PAQR7: variants seen among roughly 807,000 people sequenced by gnomAD.
PAQR7 encodes the protein membrane progestin receptor alpha.
PAQR7 carries 14 observed loss-of-function variants against 24.6 expected under a neutral mutation model. The observed-to-expected ratio is 0.57, with a 90% CI of 0.38 to 0.89. The LOEUF is 0.89. Ranked by LOEUF, PAQR7 falls within the 40% of genes least tolerant of loss-of-function variation. The pLI is 0.00. For missense variants in PAQR7, 351 were observed against 444.0 expected (o/e 0.79, Z 1.88); for synonymous variants, 189 against 198.8 (o/e 0.95, Z 0.42).
Position 25,863,656 on chromosome 1 carries a change from A to T in PAQR7, c.184T>A (p.Phe62Ile). Residue 62 changes from phenylalanine to isoleucine, a missense_variant, in exon 3 of 3, where the codon TTC (phenylalanine) becomes ATC (isoleucine). Transcript: ENST00000675840. This position sits in a 1 kb window ranked among gnomAD's most constrained non-coding sequence, Gnocchi z 6.1. ...RPLHQTWRFYFRTLFQQHNEA... is the reference protein window; with the variant it reads ...RPLHQTWRFYIRTLFQQHNEA... ...TTGTGCTGCTGGAACAGCGTGCGGA[A>T]ATAGAAGCGCCAGGTCTGATGCAGC... is the stretch of plus-strand genomic sequence containing the variant. 6.2e-7 allele frequency: 1 copy of T among 1,614,140 alleles called. No individual in the cohort carries two copies. The highest frequency in any genetic ancestry group is 8.5e-7 in the Non-Finnish European group (1 of 1,180,000).
rs1401488548 is a variant in PAQR7 at position 25,863,030 on chromosome 1, G to A, written c.810C>T (p.Val270=). ...GGAAAAGTTGGTGGCCCTGCCCGAA[G>A]ACATGGCAGCTGCCAGGGAACCAGC... ...PERWFPGSCH[V]FGQGHQLFHI... is the part of the protein sequence containing the mutation. Residue 270 remains valine, a synonymous_variant, in exon 3 of 3, where the codon GTC becomes GTT. Transcript: ENST00000675840. This position sits in a 1 kb window ranked among gnomAD's most constrained non-coding sequence, Gnocchi z 6.1. 5.0e-6 allele frequency: 8 copies of A among 1,614,184 alleles called. No individual in the cohort carries two copies. Among genetic ancestry groups the A allele is most frequent in the Non-Finnish European group, 6.8e-6 (8 of 1,180,056 alleles).
chr1:25,875,501 G>A lies in PAQR7; in HGVS notation c.-122C>T, dbSNP rs2048643845. On this transcript the variant is annotated 5_prime_UTR_variant, in exon 1 of 3. Coordinates refer to ENST00000675840, the MANE Select transcript of PAQR7 (RefSeq NM_178422.6). This position sits in a 1 kb window ranked among gnomAD's most constrained non-coding sequence, Gnocchi z 5.4. ...GCAGCCCCGTACCTGAGCCGGAGCC[G>A]AGCTGGGAGGGCCGCGGGGGCCGGG... Among the ~76,000 whole-genome samples the A allele has an allele frequency of 6.6e-6, 1 of 152,106 alleles. No individual in the cohort carries two copies. The highest frequency in any genetic ancestry group is 1.5e-5 in the Non-Finnish European group (1 of 67,996).
At chr1:25,871,870 G>A (rs752671491) in intron 1 of PAQR7, among the ~76,000 whole-genome samples, 2 of 152,166 alleles carry the variant, frequency 1.3e-5, no homozygotes, top group African/African-American at 4.8e-5. Flanking sequence ...CTGCCCCAAC[G>A]GGCTCACCCA....
intron 2 of PAQR7, among the ~76,000 whole-genome samples, chr1:25,868,709 C>CAAAAA (rs35304131): frequency 1.1e-5 from 1 of 89,736 alleles, no homozygotes; most frequent in Non-Finnish European, 2.4e-5. Context: ...GACCCTTTCT[C>CAAAAA]AAAAAAAAAA....
intron 2 of PAQR7, among the ~76,000 whole-genome samples, chr1:25,869,521 G>A (rs986723977): frequency 1.3e-5 from 2 of 149,692 alleles, no homozygotes; most frequent in East Asian, 2.0e-4. Context: ...GCAGTGAGCC[G>A]AGATCGTGCC....
rs1221436297 is a variant in PAQR7, at chr1:25,862,164, A to G, written c.*635T>C. ...AAGGGAACCAGGAGAGAAGCTGGGA[A>G]CAGGCCGTGTGGGACACAGAAGCCA... On this transcript the variant is annotated 3_prime_UTR_variant, in exon 3 of 3. Coordinates refer to ENST00000675840, the MANE Select transcript of PAQR7 (RefSeq NM_178422.6). 6.6e-6 allele frequency: 1 copy of G among 152,416 alleles called. No homozygotes were observed. Among genetic ancestry groups the G allele is most frequent in the African/African-American group, 2.4e-5 (1 of 41,432 alleles). The allele number at this position is 152,416 out of a possible 1,614,324, so 9.4% of individuals were successfully genotyped here. A position where few individuals can be genotyped will look rare whatever the true frequency, so the allele number is the denominator to read the frequency against.
chr1:25,868,427 G>A (rs929897080), intron 2 of PAQR7, among the ~76,000 whole-genome samples: 2 of 152,164 alleles, frequency 1.3e-5, no homozygotes, highest in African/African-American at 4.8e-5. Context: ...CTCTCAGAAG[G>A]GCTGGACACG....
chr1:25,863,778 GGCTCCTGGATGACCTGCC>G lies in PAQR7; in HGVS notation c.44_61del (p.Arg15_Glu20del). 1 of 1,613,660 alleles carries G rather than the reference GGCTCCTGGATGACCTGCC, an allele frequency of 6.2e-7. No individual in the cohort carries two copies. Among genetic ancestry groups the G allele is most frequent in the Non-Finnish European group, 8.5e-7 (1 of 1,179,992 alleles). ...AGGCTCTGGCTGCAGAGATAGCTGA[GGCTCCTGGATGACCTGCC>G]GCAGACTCGGCAGGAGGTGGCTGAG... On this transcript the variant is annotated inframe_deletion, in exon 3 of 3. Transcript: ENST00000675840. The surrounding 1 kb of genome is among the most constrained non-coding windows in gnomAD (Gnocchi z 6.1).
rs57710249 is a variant in PAQR7 at position 25,865,144 on chromosome 1, CAAA to C, written c.-22-1286_-22-1284del. On this transcript the variant is annotated intron_variant, in intron 2 of 2. Transcript: ENST00000675840. Reference sequence around the variant, plus strand: ...CCTGGGTGACAGCGAGACTCCGTCTCAAAAAAAAAAAAAAAACCACAAACAAAA... The same window carrying C: ...CCTGGGTGACAGCGAGACTCCGTCTCAAAAAAAAAAAAACCACAAACAAAA... Among the ~76,000 whole-genome samples the C allele has an allele frequency of 3.1e-3, 293 of 95,218 alleles. 1 individual carries two copies. Among genetic ancestry groups the C allele is most frequent in the African/African-American group, 8.8e-3 (268 of 30,588 alleles). 62.5% of individuals were successfully genotyped at this position (95,218 alleles called of 152,430 possible).
At chr1:25,874,877 C>T (rs1160321500) in intron 1 of PAQR7, among the ~76,000 whole-genome samples, 4 of 152,194 alleles carry the variant, frequency 2.6e-5, no homozygotes, top group African/African-American at 9.6e-5. Flanking sequence ...GGTGTCTAGA[C>T]TGCTTGGGCC....
intron 2 of PAQR7, among the ~76,000 whole-genome samples, chr1:25,868,850 C>A (rs992814464): frequency 6.6e-5 from 10 of 150,704 alleles, no homozygotes; most frequent in African/African-American, 2.2e-4. Flanking sequence ...CACTTGAGGC[C>A]GGGCGCAGTG....
In PAQR7 at chr1:25,875,312, G is replaced by A. The variant is rs1040011664; in HGVS notation, c.-109+176C>T. 3.3e-5 allele frequency among the ~76,000 whole-genome samples: 5 copies of A among 152,116 alleles called. No individual in the cohort carries two copies. Among genetic ancestry groups the A allele is most frequent in the African/African-American group, 1.2e-4 (5 of 41,424 alleles). On this transcript the variant is annotated intron_variant, in intron 1 of 2. Coordinates refer to ENST00000675840, the MANE Select transcript of PAQR7 (RefSeq NM_178422.6). The surrounding 1 kb of genome is among the most constrained non-coding windows in gnomAD (Gnocchi z 5.4). ...GCGGGCGTCCTCTCACTTAGCCCAG[G>A]TGCTCCCCTCCGGCTCCGCGTCCTG...
At chr1:25,871,005 GA>G (rs1004544855) in intron 1 of PAQR7, 1 of 152,130 alleles carries the variant, frequency 6.6e-6, no homozygotes, top group Non-Finnish European at 1.5e-5. Flanking sequence ...AGTAGTCTTT[GA>G]AATATCCCCA....
Position 25,861,963 on chromosome 1 carries a change from C to G in PAQR7, c.*836G>C, listed in dbSNP as rs1057130076. 3 of 133,790 alleles carry G rather than the reference C, an allele frequency of 2.2e-5. No homozygotes were observed. 8.3% of individuals were successfully genotyped at this position (133,790 alleles called of 1,614,324 possible). A position where few individuals can be genotyped will look rare whatever the true frequency, so the allele number is the denominator to read the frequency against. ...CCTGGGAGGCGGAGGTGCAGTGAGCCGAGATCGCACCATTTTACTCCAGCC... is the reference window on the plus strand; with the variant it reads ...CCTGGGAGGCGGAGGTGCAGTGAGCGGAGATCGCACCATTTTACTCCAGCC... On this transcript the variant is annotated 3_prime_UTR_variant, in exon 3 of 3. Coordinates refer to ENST00000675840, the MANE Select transcript of PAQR7 (RefSeq NM_178422.6).
intron 1 of PAQR7, among the ~76,000 whole-genome samples, chr1:25,874,309 CGCT>C (rs1247092318): frequency 1.3e-5 from 2 of 151,916 alleles, no homozygotes; most frequent in African/African-American, 4.8e-5. Context: ...CCTCCCAAAG[CGCT>C]GGGATTATAA....
rs143350047 is a variant in PAQR7, at chr1:25,872,307, CCT to C, written c.-108-1615_-108-1614del. ...TGGACAAGTCCCCTCCCCTCTTGGC[CCT>C]GTTTCTCCAAATGTCAAAGGAGAGA... On this transcript the variant is annotated intron_variant, in intron 1 of 2. Coordinates refer to ENST00000675840, the MANE Select transcript of PAQR7 (RefSeq NM_178422.6). Among the ~76,000 whole-genome samples, 19 of 152,208 alleles carry C rather than the reference CCT, an allele frequency of 1.2e-4. No individual in the cohort carries two copies. In the East Asian group the frequency reaches 3.7e-3, roughly 29 times the overall value.
At position 25,875,013 on chromosome 1, in the gene PAQR7, A is replaced by T. The variant is rs1376190420; in HGVS notation, c.-109+475T>A. Among the ~76,000 whole-genome samples, 2 of 152,056 alleles carry T rather than the reference A, an allele frequency of 1.3e-5. No homozygotes were observed. Among genetic ancestry groups the T allele is most frequent in the Non-Finnish European group, 2.9e-5 (2 of 67,990 alleles). On this transcript the variant is annotated intron_variant, in intron 1 of 2. Transcript: ENST00000675840. This position sits in a 1 kb window ranked among gnomAD's most constrained non-coding sequence, Gnocchi z 5.4. ...ACCCCTTCCTGTCCCGGTCTCACCT[A>T]CATTCCTCCTCCAGAAAGCAGTGAG...
chr1:25,872,455 T>C (rs1159925800), intron 1 of PAQR7, among the ~76,000 whole-genome samples: 4 of 151,686 alleles, frequency 2.6e-5, no homozygotes, highest in Non-Finnish European at 4.4e-5. Flanking sequence ...TTTAAACCAC[T>C]GCCCTCGCAG....
intron 2 of PAQR7, among the ~76,000 whole-genome samples, chr1:25,870,394 G>C (rs913250443): frequency 6.6e-6 from 1 of 152,184 alleles, no homozygotes; most frequent in African/African-American, 2.4e-5. Context: ...GGGGCTTCCA[G>C]GGACTGGGGG....
Sources: allele counts gnomAD v4.1 joint callset (sites outside exome capture counted in the v4.1 genomes callset), GRCh38; gene constraint gnomAD v4.1.1; non-coding constraint Gnocchi (gnomAD v3.1); transcripts MANE v1.5; gene names NCBI Gene and HGNC (gene_info 2026-07-23, HGNC 2026-07-21).